The following SIPA1L1 variants were observed in gnomAD, a reference collection of about 807,000 sequenced individuals.
SIPA1L1 encodes signal-induced proliferation-associated 1-like protein 1.
In SIPA1L1, 26 loss-of-function variants were observed where a neutral mutation model predicts 162.7. That is an observed-to-expected ratio of 0.16 (90% CI 0.12 to 0.22). The LOEUF is 0.22. SIPA1L1 is among the 10% of genes least tolerant of loss of function. SIPA1L1 has a pLI of 1.00. For synonymous variants in SIPA1L1, 829 were observed against 837.4 expected (o/e 0.99, Z 0.17); for missense variants, 1,874 against 2,241.0 (o/e 0.84, Z 3.31).
intron 4 of SIPA1L1, among the ~76,000 whole-genome samples, chr14:71,544,043 ACG>A (rs757106186): frequency 9.5e-5 from 14 of 147,208 alleles, no homozygotes; most frequent in Admixed American, 2.2e-4. Context: ...GTATATACAC[ACG>A]CACGCACATG....
chr14:71,719,232 C>T (rs1406223292), intron 17 of SIPA1L1, among the ~76,000 whole-genome samples: 1 of 152,190 alleles, frequency 6.6e-6, no homozygotes, highest in East Asian at 1.9e-4. Context: ...AGCCACTGCA[C>T]CCAGCCAATA....
intron 4 of SIPA1L1, among the ~76,000 whole-genome samples, chr14:71,550,048 C>T (rs1206724764): frequency 6.6e-6 from 1 of 151,886 alleles, no homozygotes; most frequent in Non-Finnish European, 1.5e-5. Context: ...CACTTGAAGC[C>T]AAGACTTGGA....
At chr14:71,491,814 C>CACACACACACACA (rs766383755) in intron 2 of SIPA1L1, among the ~76,000 whole-genome samples, 1 of 68,898 alleles carries the variant, frequency 1.5e-5, no homozygotes, top group East Asian at 7.9e-4. Context: ...ACACACACAC[C>CACACACACACACA]CCTTCCCCCG....
At chr14:71,380,833 C>T (rs1001648255) in intron 2 of SIPA1L1, among the ~76,000 whole-genome samples, 1 of 152,130 alleles carries the variant, frequency 6.6e-6, no homozygotes, top group African/African-American at 2.4e-5. Context: ...AGTATAAAAT[C>T]CATGCACTTG....
chr14:71,439,270 G>A (rs2044648002), intron 2 of SIPA1L1, among the ~76,000 whole-genome samples: 1 of 152,144 alleles, frequency 6.6e-6, no homozygotes, highest in Non-Finnish European at 1.5e-5. Flanking sequence ...GGGAAAGTCA[G>A]TATTTAATTC....
intron 2 of SIPA1L1, among the ~76,000 whole-genome samples, chr14:71,358,343 A>C (rs1048933385): frequency 6.6e-6 from 1 of 152,188 alleles, no homozygotes; most frequent in African/African-American, 2.4e-5. Context: ...AATGGAGGGG[A>C]TTTACACACA....
At chr14:71,353,505 G>A (rs548168484) in intron 2 of SIPA1L1, among the ~76,000 whole-genome samples, 1 of 152,264 alleles carries the variant, frequency 6.6e-6, no homozygotes, top group African/African-American at 2.4e-5. Flanking sequence ...CACTGAGATG[G>A]GACTCCTGAA....
rs1192801752 is a variant in SIPA1L1, at chr14:71,623,512, TG to T, written c.1630-535del. On this transcript the variant is annotated intron_variant, in intron 6 of 23. Transcript: ENST00000381232. ...TAAAGTAATTTCAGCTGCTATTGCC[TG>T]TGCTGCTGTACTGATGGTGATAATT... 3.4e-4 allele frequency among the ~76,000 whole-genome samples: 51 copies of T among 152,238 alleles called. 1 individual carries two copies. Among genetic ancestry groups the T allele is most frequent in the African/African-American group, 1.2e-3 (50 of 41,468 alleles).
At chr14:71,647,403 T>C (rs2042259602) in intron 7 of SIPA1L1, among the ~76,000 whole-genome samples, 1 of 151,936 alleles carries the variant, frequency 6.6e-6, no homozygotes, top group African/African-American at 2.4e-5. Context: ...TTTTTTTTAA[T>C]AAATGAATCT....
chr14:71,473,864 A>T (rs61989374), intron 2 of SIPA1L1, among the ~76,000 whole-genome samples: 24,858 of 152,244 alleles, frequency 0.16, 2,640 homozygotes, highest in Middle Eastern at 0.35. Context: ...TAGAGCTGTC[A>T]TTAAGCTGTT....
chr14:71,481,901 A>G (rs1164625346), intron 2 of SIPA1L1, among the ~76,000 whole-genome samples: 4 of 152,248 alleles, frequency 2.6e-5, no homozygotes, highest in Non-Finnish European at 5.9e-5. Context: ...ATAATAAAAT[A>G]CAAAGATGGA....
intron 13 of SIPA1L1, among the ~76,000 whole-genome samples, chr14:71,698,474 C>G (rs2081827722): frequency 6.6e-6 from 1 of 152,140 alleles, no homozygotes; most frequent in Admixed American, 6.5e-5. Context: ...CTACTACCAA[C>G]CAGAATTATA....
At chr14:71,637,950 C>G (rs2041330671) in intron 7 of SIPA1L1, among the ~76,000 whole-genome samples, 2 of 152,130 alleles carry the variant, frequency 1.3e-5, no homozygotes, top group Admixed American at 6.5e-5. Context: ...CAGCTGAATA[C>G]ATACAATTTT....
chr14:71,637,770 A>G (rs2041310137), intron 7 of SIPA1L1, among the ~76,000 whole-genome samples: 1 of 152,072 alleles, frequency 6.6e-6, no homozygotes, highest in Non-Finnish European at 1.5e-5. Flanking sequence ...AGAGGGAAAA[A>G]CATGGTATAT....
intron 21 of SIPA1L1, among the ~76,000 whole-genome samples, chr14:71,734,268 A>G (rs2085079777): frequency 6.6e-6 from 1 of 152,160 alleles, no homozygotes; most frequent in Admixed American, 6.5e-5. Flanking sequence ...GTCTGTCTGC[A>G]TTGTCTCCTT....
chr14:71,502,615 T>C (rs1035025852), intron 2 of SIPA1L1, among the ~76,000 whole-genome samples: 2 of 152,178 alleles, frequency 1.3e-5, no homozygotes, highest in Admixed American at 6.6e-5. Flanking sequence ...ATGTTAAATA[T>C]GAAAACTTGT....
intron 2 of SIPA1L1, among the ~76,000 whole-genome samples, chr14:71,501,240 G>A (rs1371356310): frequency 6.6e-6 from 1 of 152,066 alleles, no homozygotes; most frequent in Non-Finnish European, 1.5e-5. Flanking sequence ...AGGATCGCTT[G>A]AGCCCAGGAG....
rs2084605905 is a variant in SIPA1L1, at chr14:71,729,935, A to G, written c.4615-120A>G. On this transcript the variant is annotated intron_variant, in intron 19 of 23. Coordinates refer to ENST00000381232, the MANE Select transcript of SIPA1L1 (RefSeq NM_001386936.1). The stretch of plus-strand genomic sequence containing the variant: ...TGTAGAAATAGACAATGAGCCCTGA[A>G]GCTTCCTTGCTAGGGGTGTGTCTGG... 1.1e-5 allele frequency: 12 copies of G among 1,090,508 alleles called. No homozygotes were observed. The East Asian group carries it at 2.8e-4, about 26-fold the overall frequency. The allele number at this position is 1,090,508 out of a possible 1,614,324, so 67.6% of individuals were successfully genotyped here.
chr14:71,394,749 G>C (rs921649071), intron 2 of SIPA1L1, among the ~76,000 whole-genome samples: 5 of 152,166 alleles, frequency 3.3e-5, no homozygotes, highest in African/African-American at 9.7e-5. Flanking sequence ...GTTGAATAAT[G>C]TGCCCAAGGT....
Sources: gnomAD v4.1 joint callset for allele counts (sites outside exome capture counted in the v4.1 genomes callset) on GRCh38, gnomAD v4.1.1 for gene constraint, MANE v1.5 for transcripts, NCBI Gene and HGNC (gene_info 2026-07-23, HGNC 2026-07-21) for gene names.